Variants in PTPRT observed in about 807,000 individuals in gnomAD.
PTPRT encodes the protein protein tyrosine phosphatase receptor type T.
In PTPRT, 56 loss-of-function variants were observed where a neutral mutation model predicts 176.8. The observed-to-expected ratio is 0.32, with a 90% confidence interval of 0.26 to 0.40. The LOEUF (loss-of-function observed/expected upper bound fraction) is 0.40. Among genes scored for constraint, PTPRT ranks in the 10% least tolerant of loss-of-function variants. The pLI is 1.00. For synonymous variants in PTPRT, 783 were observed against 739.0 expected (o/e 1.06, Z -0.96); for missense variants, 1,540 against 1,908.2 (o/e 0.81, Z 3.60).
chr20:42,196,342 T>C (rs1779268113), intron 16 of PTPRT, among the ~76,000 whole-genome samples: 1 of 152,222 alleles, frequency 6.6e-6, no homozygotes, highest in Admixed American at 6.5e-5. Context: ...TCTTTTTTTC[T>C]ATTATTATTA....
chr20:42,773,006 A>T (rs1437740221), intron 4 of PTPRT, among the ~76,000 whole-genome samples: 1 of 152,170 alleles, frequency 6.6e-6, no homozygotes, highest in East Asian at 1.9e-4. Flanking sequence ...ATCCAGGTCC[A>T]CTTTAGCCCC....
the PTPRT span, among the ~76,000 whole-genome samples, chr20:42,055,234 C>T: frequency 6.6e-6 from 1 of 152,200 alleles, no homozygotes; most frequent in Non-Finnish European, 1.5e-5. Flanking sequence ...AATAAAAAGG[C>T]ATTTCTTAAA....
intron 11 of PTPRT, among the ~76,000 whole-genome samples, chr20:42,319,630 T>C (rs1166448200): frequency 1.3e-5 from 2 of 152,214 alleles, no homozygotes; most frequent in African/African-American, 2.4e-5. Context: ...AGAACTCTGA[T>C]TGAAGAGGTG....
In PTPRT at chr20:42,831,628, C is replaced by T. The variant is rs559842344; in HGVS notation, c.215-40162G>A. On this transcript the variant is annotated intron_variant, in intron 2 of 30. Coordinates refer to ENST00000373187, the MANE Select transcript of PTPRT (RefSeq NM_007050.6). ...TGCGAGAAAATGTTGGCAAACTATG[C>T]ATCTGACAACAGTATAATATCCAGC... is the stretch of plus-strand genomic sequence containing the variant. Among the ~76,000 whole-genome samples the T allele has an allele frequency of 2.6e-5, 4 of 152,270 alleles. No individual in the cohort carries two copies. In the East Asian group the frequency reaches 7.7e-4, roughly 29 times the overall value.
At chr20:43,004,187 G>C (rs1427517415) in intron 1 of PTPRT, among the ~76,000 whole-genome samples, 1 of 135,094 alleles carries the variant, frequency 7.4e-6, no homozygotes, top group Admixed American at 7.3e-5. Context: ...AAAAAAAAAA[G>C]ACTACAAATA....
chr20:42,815,669 G>T (rs1052577067), intron 2 of PTPRT, among the ~76,000 whole-genome samples: 19 of 152,232 alleles, frequency 1.2e-4, no homozygotes, highest in African/African-American at 3.4e-4. Flanking sequence ...GTCTTCTAGG[G>T]CCTCTCTGAA....
At chr20:42,246,779 A>G (rs773337917) in intron 14 of PTPRT, among the ~76,000 whole-genome samples, 1 of 152,256 alleles carries the variant, frequency 6.6e-6, no homozygotes, top group Non-Finnish European at 1.5e-5. Context: ...TTTCAGGTCT[A>G]TCAAAGAGGT....
chr20:42,302,345 T>C (rs2057481710), intron 12 of PTPRT, among the ~76,000 whole-genome samples: 1 of 152,188 alleles, frequency 6.6e-6, no homozygotes, highest in African/African-American at 2.4e-5. Flanking sequence ...TCTCTGGGCT[T>C]CATTCCATAT....
intron 12 of PTPRT, among the ~76,000 whole-genome samples, chr20:42,295,799 T>C (rs902083458): frequency 1.3e-5 from 2 of 152,162 alleles, no homozygotes; most frequent in Admixed American, 6.5e-5. Context: ...TGGGAGGTGA[T>C]TGGATCATAG....
chr20:42,631,205 C>A lies in PTPRT; in HGVS notation c.1153+46661G>T, dbSNP rs150392779. On this transcript the variant is annotated intron_variant, in intron 7 of 30. Coordinates refer to ENST00000373187, the MANE Select transcript of PTPRT (RefSeq NM_007050.6). ...TCAATAGGATGAAGTCTAACACTGG[C>A]GAGAGTGGGGTGAGATGGATGAACT... Among the ~76,000 whole-genome samples the A allele has an allele frequency of 7.9e-3, 1,195 of 152,128 alleles. 4 individuals carry two copies. Among genetic ancestry groups the A allele is most frequent in the Non-Finnish European group, 9.9e-3 (674 of 68,000 alleles).
chr20:42,142,742 A>G (rs1193938566), intron 17 of PTPRT, among the ~76,000 whole-genome samples: 3 of 152,266 alleles, frequency 2.0e-5, no homozygotes, highest in Non-Finnish European at 4.4e-5. Context: ...TGACAACAAT[A>G]TACTACAAGT....
chr20:42,096,763 T>TAAAA, intron 27 of PTPRT, among the ~76,000 whole-genome samples: 1 of 133,474 alleles, frequency 7.5e-6, no homozygotes, highest in African/African-American at 2.6e-5. Context: ...AAAATTTTTT[T>TAAAA]TTTTTTTTTT....
At chr20:42,088,678 G>A (rs1312335108) in intron 27 of PTPRT, among the ~76,000 whole-genome samples, 1 of 152,190 alleles carries the variant, frequency 6.6e-6, no homozygotes, top group Non-Finnish European at 1.5e-5. Flanking sequence ...ATTCATTTAT[G>A]TATTGTCCAC....
chr20:42,663,755 C>G (rs6102976), intron 7 of PTPRT, among the ~76,000 whole-genome samples: 1 of 151,930 alleles, frequency 6.6e-6, no homozygotes, highest in South Asian at 2.1e-4. Context: ...AAACTTCCTA[C>G]AGCATGAACA....
intron 2 of PTPRT, among the ~76,000 whole-genome samples, chr20:42,842,811 T>C (rs2078302033): frequency 6.6e-6 from 1 of 152,230 alleles, no homozygotes; most frequent in Non-Finnish European, 1.5e-5. Context: ...TCTTCATGCA[T>C]GGCAGCTTCT....
intron 7 of PTPRT, among the ~76,000 whole-genome samples, chr20:42,521,969 T>C (rs559162079): frequency 1.3e-5 from 2 of 152,032 alleles, no homozygotes; most frequent in Non-Finnish European, 2.9e-5. Context: ...GTTGGTGTTC[T>C]CAAGTAGGTA....
At chr20:42,258,568 T>G (rs879562997) in intron 13 of PTPRT, among the ~76,000 whole-genome samples, 6 of 152,230 alleles carry the variant, frequency 3.9e-5, no homozygotes, top group Non-Finnish European at 7.3e-5. Flanking sequence ...TTTTCTGCTT[T>G]GTCTCCAATA....
intron 7 of PTPRT, among the ~76,000 whole-genome samples, chr20:42,513,813 T>C (rs533973740): frequency 1.3e-5 from 2 of 152,284 alleles, no homozygotes; most frequent in Non-Finnish European, 2.9e-5. Flanking sequence ...TTCAACTGCT[T>C]ATATACATAA....
chr20:42,751,073 A>G (rs975715044), intron 6 of PTPRT, among the ~76,000 whole-genome samples: 2 of 152,158 alleles, frequency 1.3e-5, no homozygotes, highest in Non-Finnish European at 2.9e-5. Flanking sequence ...TGAAGTGCTA[A>G]TCTTTACCAT....
Sources: gnomAD v4.1 joint callset for allele counts (sites outside exome capture counted in the v4.1 genomes callset) on GRCh38, gnomAD v4.1.1 for gene constraint, MANE v1.5 for transcripts, NCBI Gene and HGNC (gene_info 2026-07-23, HGNC 2026-07-21) for gene names.